STXBP6: variants seen among roughly 807,000 people sequenced by gnomAD.
The protein encoded by STXBP6 is syntaxin-binding protein 6.
A neutral mutation model predicts 26.9 loss-of-function variants in STXBP6; 21 were observed. The observed-to-expected ratio is 0.78, with a 90% CI of 0.55 to 1.12. The LOEUF is 1.12. Ranked by LOEUF, STXBP6 falls within the 50% of genes most tolerant of loss-of-function variation. The probability of loss-of-function intolerance (pLI) is 0.00; values close to 1 mark genes in which losing one functional copy is unlikely to be tolerated. For synonymous variants in STXBP6, 97 were observed against 92.6 expected, an observed-to-expected ratio of 1.05 and a Z score of -0.27; for missense variants, 232 against 257.9, an observed-to-expected ratio of 0.90 and a Z score of 0.69.
intron 2 of STXBP6, among the ~76,000 whole-genome samples, chr14:24,918,776 A>T (rs879714219): frequency 2.6e-5 from 4 of 152,090 alleles, no homozygotes; most frequent in Admixed American, 2.6e-4. Context: ...ATGTGAAAAA[A>T]GCAGAATTAC....
chr14:24,819,650 A>G (rs1215304207), intron 4 of STXBP6, among the ~76,000 whole-genome samples: 1 of 152,232 alleles, frequency 6.6e-6, no homozygotes, highest in Non-Finnish European at 1.5e-5. Context: ...CTGGGACCAC[A>G]GAACTTTTCT....
rs891495323 is a variant in STXBP6, at chr14:24,864,497, T to C, written c.155-7340A>G. On this transcript the variant is annotated intron_variant, in intron 2 of 5. Transcript: ENST00000323944. ...CAGGTGAGGGAAGGGCCTGTGACTA[T>C]GCTCCTGGATACCACGCACCTGCTG... 2.0e-5 allele frequency among the ~76,000 whole-genome samples: 3 copies of C among 152,214 alleles called. No homozygotes were observed. The South Asian group carries it at 6.2e-4, about 32-fold the overall frequency.
intron 1 of STXBP6, among the ~76,000 whole-genome samples, chr14:25,018,403 A>G (rs1011491044): frequency 4.6e-5 from 7 of 152,208 alleles, no homozygotes; most frequent in African/African-American, 1.7e-4. Context: ...GTACCAACCC[A>G]GAATTTACTA....
At chr14:24,984,360 T>TATCAACAC (rs2074279760) in intron 1 of STXBP6, among the ~76,000 whole-genome samples, 19 of 152,256 alleles carry the variant, frequency 1.2e-4, no homozygotes, top group Admixed American at 1.2e-3. Context: ...TTTTCTGTAA[T>TATCAACAC]TGATATATCA....
At chr14:24,964,597 A>G (rs8017710) in intron 2 of STXBP6, among the ~76,000 whole-genome samples, 42,721 of 151,574 alleles carry the variant, frequency 0.28, 6,969 homozygotes, top group African/African-American at 0.46. Context: ...CATTTTATAG[A>G]TGAGAAAACT....
intron 1 of STXBP6, among the ~76,000 whole-genome samples, chr14:24,989,116 G>A (rs538899271): frequency 1.7e-4 from 26 of 152,130 alleles, no homozygotes; most frequent in Admixed American, 1.0e-3. Flanking sequence ...CATTAGGCTC[G>A]CACCCCCCAC....
At chr14:24,917,813 T>C (rs1238037405) in intron 2 of STXBP6, among the ~76,000 whole-genome samples, 3 of 152,010 alleles carry the variant, frequency 2.0e-5, no homozygotes, top group African/African-American at 7.2e-5. Context: ...GAGAAGACAA[T>C]ATACATAACG....
intron 2 of STXBP6, among the ~76,000 whole-genome samples, chr14:24,972,606 G>A (rs547517560): frequency 3.9e-5 from 6 of 152,288 alleles, no homozygotes; most frequent in African/African-American, 7.2e-5. Context: ...ATACTAGGCC[G>A]ATGTTCAGCT....
chr14:24,987,894 T>A, intron 1 of STXBP6: 1 of 985,422 alleles, frequency 1.0e-6, no homozygotes, highest in Non-Finnish European at 1.2e-6. Context: ...ACTCATTCAA[T>A]ATCACTGCAT....
intron 2 of STXBP6, among the ~76,000 whole-genome samples, chr14:24,945,777 C>T (rs1295581430): frequency 6.6e-6 from 1 of 152,162 alleles, no homozygotes; most frequent in East Asian, 1.9e-4. Flanking sequence ...GTTCTAAGGG[C>T]TTTATATATA....
At position 24,855,996 on chromosome 14, in the gene STXBP6, G is replaced by C. The variant is rs552913751; in HGVS notation, c.391C>G (p.Gln131Glu). ...TFFQILHHTC[Q>E]RYLTDRKPEF... ...GGCTTCCTGTCCGTGAGGTACCTCT[G>C]GCAGGTATGGTGGAGGATCTGGAAG... Residue 131 changes from glutamine (Q) to glutamate (E), a missense_variant, in exon 4 of 6, where the codon CAG becomes GAG. Transcript: ENST00000323944. The C allele has an allele frequency of 6.2e-7, 1 of 1,611,558 alleles. No homozygotes were observed. Among genetic ancestry groups the C allele is most frequent in the African/African-American group, 1.3e-5 (1 of 74,856 alleles).
intron 2 of STXBP6, among the ~76,000 whole-genome samples, chr14:24,950,723 T>A: frequency 6.6e-6 from 1 of 152,192 alleles, no homozygotes; most frequent in East Asian, 1.9e-4. Flanking sequence ...TGAGCTTCTC[T>A]AGACACAAAA....
chr14:24,911,211 C>T (rs1392115502), intron 2 of STXBP6, among the ~76,000 whole-genome samples: 4 of 151,934 alleles, frequency 2.6e-5, no homozygotes, highest in Non-Finnish European at 5.9e-5. Context: ...CTGGCACATA[C>T]CCATGGTCCC....
chr14:25,014,813 C>A (rs1386738625), intron 1 of STXBP6, among the ~76,000 whole-genome samples: 3 of 152,198 alleles, frequency 2.0e-5, no homozygotes, highest in Non-Finnish European at 4.4e-5. Context: ...GTTTAAAAAG[C>A]TTTTCACATA....
intron 4 of STXBP6, among the ~76,000 whole-genome samples, chr14:24,836,928 A>G (rs913297140): frequency 1.3e-4 from 20 of 152,330 alleles, no homozygotes; most frequent in South Asian, 4.1e-4. Context: ...ATGTTTTAAC[A>G]TATCATCAAA....
chr14:24,890,195 A>G (rs1307711507), intron 2 of STXBP6, among the ~76,000 whole-genome samples: 2 of 152,230 alleles, frequency 1.3e-5, no homozygotes, highest in Non-Finnish European at 2.9e-5. Flanking sequence ...CCAGAGTAAA[A>G]AGCTTCCATG....
At chr14:24,825,938 G>T (rs538956692) in intron 4 of STXBP6, among the ~76,000 whole-genome samples, 4 of 152,132 alleles carry the variant, frequency 2.6e-5, no homozygotes, top group Non-Finnish European at 5.9e-5. Flanking sequence ...GGTCTGTTTT[G>T]TTCAGAGATT....
At chr14:24,964,362 G>A (rs1391890264) in intron 2 of STXBP6, among the ~76,000 whole-genome samples, 2 of 152,156 alleles carry the variant, frequency 1.3e-5, no homozygotes, top group Admixed American at 6.5e-5. Flanking sequence ...ATTCTCTATG[G>A]TATTGGACAG....
intron 4 of STXBP6, among the ~76,000 whole-genome samples, chr14:24,828,679 G>A (rs1395905228): frequency 1.3e-5 from 2 of 152,180 alleles, no homozygotes; most frequent in African/African-American, 4.8e-5. Context: ...GAATGACGAT[G>A]CATTCCAAAG....
Sources: allele counts gnomAD v4.1 joint callset (sites outside exome capture counted in the v4.1 genomes callset), GRCh38; gene constraint gnomAD v4.1.1; transcripts MANE v1.5; gene names NCBI Gene and HGNC (gene_info 2026-07-23, HGNC 2026-07-21).